The following BORCS5 variants were observed in gnomAD, a reference collection of about 807,000 sequenced individuals.
The protein encoded by BORCS5 is BLOC-1-related complex subunit 5.
Under a neutral mutation model 22.1 loss-of-function variants are expected in BORCS5, and 17 were observed. The observed-to-expected ratio is 0.77, with a 90% CI of 0.53 to 1.15. The LOEUF (loss-of-function observed/expected upper bound fraction) is 1.15, where lower values mean the gene tolerates loss of function less well. Ranked by LOEUF, BORCS5 falls within the 50% of genes most tolerant of loss-of-function variation. The pLI, the probability that BORCS5 is intolerant of heterozygous loss-of-function variation, is 0.00. For synonymous variants in BORCS5, 117 were observed against 99.8 expected (o/e 1.17, Z -1.03); for missense variants, 247 against 253.2 (o/e 0.98, Z 0.17).
At chr12:12,441,554 G>T (rs1942683364) in intron 3 of BORCS5, among the ~76,000 whole-genome samples, 1 of 151,968 alleles carries the variant, frequency 6.6e-6, no homozygotes, top group Non-Finnish European at 1.5e-5. Flanking sequence ...CTTTGTTATT[G>T]CTTTAAATAT....
chr12:12,361,455 G>A (rs1475215738), intron 2 of BORCS5, 106 bp downstream of exon 2: 11 of 1,283,156 alleles, frequency 8.6e-6, no homozygotes, highest in Non-Finnish European at 1.1e-5. Flanking sequence ...TCTCCTTTAG[G>A]TCTTTGCTTA....
intron 3 of BORCS5, among the ~76,000 whole-genome samples, chr12:12,453,110 C>G (rs577426415): frequency 6.6e-6 from 1 of 151,640 alleles, no homozygotes; most frequent in Non-Finnish European, 1.5e-5. Flanking sequence ...GTGTCAGAAG[C>G]AAAAAATGGT....
intron 3 of BORCS5, among the ~76,000 whole-genome samples, chr12:12,456,639 A>C (rs964188878): frequency 2.4e-4 from 36 of 152,266 alleles, no homozygotes; most frequent in African/African-American, 8.2e-4. Flanking sequence ...ACGCCTATGT[A>C]TTTTTATTTT....
chr12:12,458,202 T>C (rs763217815), intron 3 of BORCS5, among the ~76,000 whole-genome samples: 5 of 152,240 alleles, frequency 3.3e-5, no homozygotes, highest in Non-Finnish European at 5.9e-5. Context: ...AGCTTCACAC[T>C]GTTAATAGTT....
At chr12:12,449,411 C>T (rs1408873652) in intron 3 of BORCS5, among the ~76,000 whole-genome samples, 2 of 152,138 alleles carry the variant, frequency 1.3e-5, no homozygotes, top group African/African-American at 4.8e-5. Context: ...TCCTGGTTTG[C>T]TGCCATCAAT....
intron 3 of BORCS5, among the ~76,000 whole-genome samples, chr12:12,439,754 C>T (rs1311357439): frequency 6.6e-6 from 1 of 152,222 alleles, no homozygotes; most frequent in East Asian, 1.9e-4. Flanking sequence ...CAGCAGCGTG[C>T]TCGGGCAGAG....
At chr12:12,418,047 G>A (rs939263737) in intron 2 of BORCS5, among the ~76,000 whole-genome samples, 8 of 144,930 alleles carry the variant, frequency 5.5e-5, no homozygotes, top group East Asian at 2.0e-4. Flanking sequence ...TTTTTGAGAC[G>A]GAGCCTCACT....
chr12:12,439,861 G>A (rs761028454), intron 3 of BORCS5, among the ~76,000 whole-genome samples: 3 of 152,134 alleles, frequency 2.0e-5, no homozygotes, highest in Admixed American at 1.3e-4. Flanking sequence ...ATATCCGTCC[G>A]TCTATGTTCA....
chr12:12,380,480 C>T (rs949632929), intron 2 of BORCS5, among the ~76,000 whole-genome samples: 2 of 151,402 alleles, frequency 1.3e-5, no homozygotes, highest in Non-Finnish European at 3.0e-5. Flanking sequence ...AACCACAGGC[C>T]AGCTTTTCTG....
At chr12:12,371,125 T>A (rs1863519103) in intron 2 of BORCS5, among the ~76,000 whole-genome samples, 1 of 152,190 alleles carries the variant, frequency 6.6e-6, no homozygotes, top group African/African-American at 2.4e-5. Context: ...TGTTCCAGAC[T>A]TATTTTGTTC....
intron 2 of BORCS5, among the ~76,000 whole-genome samples, chr12:12,425,998 C>T (rs982311488): frequency 1.3e-5 from 2 of 152,170 alleles, no homozygotes; most frequent in African/African-American, 4.8e-5. Flanking sequence ...ATATAGTTCC[C>T]ATAATACTCC....
intron 2 of BORCS5, among the ~76,000 whole-genome samples, chr12:12,432,634 A>G (rs1490995971): frequency 3.9e-5 from 6 of 152,224 alleles, no homozygotes; most frequent in South Asian, 2.1e-4. Context: ...ATGTCCTCCA[A>G]TGGGTGAATG....
At chr12:12,414,222 T>A (rs1592102050) in intron 2 of BORCS5, among the ~76,000 whole-genome samples, 1 of 73,926 alleles carries the variant, frequency 1.4e-5, no homozygotes, top group Non-Finnish European at 2.8e-5. Flanking sequence ...CCCCCCCACC[T>A]CCCTCCCGGA....
intron 2 of BORCS5, among the ~76,000 whole-genome samples, chr12:12,362,264 T>G (rs1228645168): frequency 6.6e-6 from 1 of 152,218 alleles, no homozygotes; most frequent in Non-Finnish European, 1.5e-5. Context: ...GAGGTTGTAC[T>G]TGAACCTTCT....
chr12:12,451,317 C>T (rs1169846438), intron 3 of BORCS5, among the ~76,000 whole-genome samples: 3 of 152,066 alleles, frequency 2.0e-5, no homozygotes, highest in Non-Finnish European at 2.9e-5. Flanking sequence ...AAGAGAAAAA[C>T]GTCATAATGT....
At chr12:12,430,151 A>ATTTTTTTTT (rs71061068) in intron 2 of BORCS5, among the ~76,000 whole-genome samples, 7,934 of 107,056 alleles carry the variant, frequency 0.074, 924 homozygotes, top group East Asian at 0.17. Flanking sequence ...CTTAGAGAAA[A>ATTTTTTTTT]TTTTTTTTTT....
At chr12:12,360,741 G>A (rs1255073758) in intron 1 of BORCS5, among the ~76,000 whole-genome samples, 1 of 151,506 alleles carries the variant, frequency 6.6e-6, no homozygotes, top group Non-Finnish European at 1.5e-5. Context: ...TTGTTTTTGA[G>A]ACAGAGTCTC....
rs142211451 is a variant in BORCS5, at chr12:12,428,753, GA to G, written c.203-6867del. On this transcript the variant is annotated intron_variant, in intron 2 of 3. Coordinates refer to ENST00000314565, the MANE Select transcript of BORCS5 (RefSeq NM_058169.6). ...TGGTGTTTTTAACGGCTCAGCAAAA[GA>G]AAAAAAATTATATAGTGAGATGAAG... 5.3e-5 allele frequency among the ~76,000 whole-genome samples: 8 copies of G among 151,690 alleles called. No homozygotes were observed. In the South Asian group the frequency reaches 6.3e-4, roughly 12 times the overall value.
intron 3 of BORCS5, among the ~76,000 whole-genome samples, chr12:12,462,210 A>G (rs1043339397): frequency 2.6e-5 from 4 of 152,232 alleles, no homozygotes; most frequent in African/African-American, 7.2e-5. Context: ...GGGCAGGATG[A>G]TAATGTTCTC....
Sources: gnomAD v4.1 joint callset for allele counts (sites outside exome capture counted in the v4.1 genomes callset) on GRCh38, gnomAD v4.1.1 for gene constraint, MANE v1.5 for transcripts, NCBI Gene and HGNC (gene_info 2026-07-23, HGNC 2026-07-21) for gene names.